DDHD1: variants seen among roughly 807,000 people sequenced by gnomAD.
DDHD1 encodes DDHD domain containing 1, also known as phospholipase DDHD1.
DDHD1 carries 49 observed loss-of-function variants against 96.4 expected under a neutral mutation model. The ratio of observed to expected loss-of-function variants is 0.51; its 90% CI spans 0.40 to 0.64. DDHD1 has a LOEUF of 0.64. Among genes scored for constraint, DDHD1 ranks in the 30% least tolerant of loss-of-function variants. The pLI is 0.00. For synonymous variants in DDHD1, 442 were observed against 446.5 expected (o/e 0.99, Z 0.13); for missense variants, 1,106 against 1,161.2 (o/e 0.95, Z 0.69).
intron 1 of DDHD1, among the ~76,000 whole-genome samples, chr14:53,134,242 G>A (rs773533526): frequency 2.0e-5 from 3 of 151,904 alleles, no homozygotes; most frequent in East Asian, 3.9e-4. Context: ...TAAATACCCT[G>A]CCCTTGTTTA....
intron 6 of DDHD1, 37 bp downstream of exon 6, chr14:53,072,559 TA>T: frequency 7.1e-6 from 9 of 1,273,488 alleles, no homozygotes; most frequent in South Asian, 5.0e-5. Context: ...AAGCTATCAC[TA>T]AAAAATACCC....
At chr14:53,147,784 A>G (rs1041457878) in intron 1 of DDHD1, among the ~76,000 whole-genome samples, 2 of 152,176 alleles carry the variant, frequency 1.3e-5, no homozygotes, top group Non-Finnish European at 2.9e-5. Flanking sequence ...AGTAAAAGAT[A>G]AAAGTCTCCA....
intron 9 of DDHD1, among the ~76,000 whole-genome samples, chr14:53,057,558 G>C (rs1883166410): frequency 6.6e-6 from 1 of 152,076 alleles, no homozygotes. Context: ...CAATATTGTA[G>C]CATACTTTAG....
chr14:53,143,052 C>A (rs1267010633), intron 1 of DDHD1, among the ~76,000 whole-genome samples: 4 of 152,218 alleles, frequency 2.6e-5, no homozygotes, highest in Non-Finnish European at 5.9e-5. Context: ...TTTTTAAGAT[C>A]TTTAAATATT....
At chr14:53,085,432 G>C (rs1885865933) in intron 4 of DDHD1, among the ~76,000 whole-genome samples, 1 of 152,166 alleles carries the variant, frequency 6.6e-6, no homozygotes, top group African/African-American at 2.4e-5. Flanking sequence ...CCAGAGGAAT[G>C]ATCAGACAGC....
rs1305167134 is a variant in DDHD1 at position 53,038,413 on chromosome 14, T to C, written c.*8355A>G. On this transcript the variant is annotated 3_prime_UTR_variant, in exon 13 of 13. Transcript: ENST00000673822. ...AGCAAATCAAGAACCCAATACCATT[T>C]ACAATAGCCATAAAAAAACTGAAAT... The C allele has an allele frequency of 2.0e-5, 3 of 152,100 alleles. No homozygotes were observed. The highest frequency in any genetic ancestry group is 2.0e-4 in the Admixed American group (3 of 15,262). 9.4% of individuals were successfully genotyped at this position (152,100 alleles called of 1,614,324 possible).
At chr14:53,071,360 G>A (rs1041858978) in intron 6 of DDHD1, among the ~76,000 whole-genome samples, 2 of 151,674 alleles carry the variant, frequency 1.3e-5, no homozygotes, top group African/African-American at 4.8e-5. Context: ...TTTTTTCAGA[G>A]GGAAAAAAAA....
intron 4 of DDHD1, among the ~76,000 whole-genome samples, chr14:53,075,745 T>G (rs1269773305): frequency 6.6e-6 from 1 of 152,198 alleles, no homozygotes; most frequent in Non-Finnish European, 1.5e-5. Flanking sequence ...GAAGAGCTAA[T>G]GCAGCTGGTA....
At chr14:53,123,088 G>C (rs2139807215) in intron 1 of DDHD1, among the ~76,000 whole-genome samples, 1 of 150,470 alleles carries the variant, frequency 6.6e-6, no homozygotes, top group African/African-American at 2.4e-5. Flanking sequence ...CATTTGTACA[G>C]AGACACAAAT....
chr14:53,101,845 A>G (rs1887324449), intron 2 of DDHD1, among the ~76,000 whole-genome samples: 1 of 152,048 alleles, frequency 6.6e-6, no homozygotes, highest in African/African-American at 2.4e-5. Context: ...TAAAAACAAG[A>G]TTAGAAACAG....
In DDHD1 at chr14:53,046,783, A is replaced by G; in HGVS notation, c.2688T>C (p.Asn896=). The part of the protein sequence containing the change: ...KHEHDDDAKP[N]LDPI ...TCAAGAGAGTTCAGATTGGATCTAA[A>G]TTGGGTTTTGCATCATCATCGTGCT... Residue 896 remains asparagine (N), a synonymous_variant, in exon 13 of 13, where the codon AAT becomes AAC. Transcript: ENST00000673822. The G allele has an allele frequency of 1.2e-6, 2 of 1,606,476 alleles. No individual in the cohort carries two copies. The highest frequency in any genetic ancestry group is 1.7e-6 in the Non-Finnish European group (2 of 1,176,726).
Position 53,093,416 on chromosome 14 carries a change from G to C in DDHD1, c.1041C>G (p.Asn347Lys), listed in dbSNP as rs1297817080. The C allele has an allele frequency of 6.2e-7, 1 of 1,611,826 alleles. No individual in the cohort carries two copies. The highest frequency in any genetic ancestry group is 1.3e-5 in the African/African-American group (1 of 74,964). ...DAVHSFKLSR[N>K]HVDWHSVDEV... is the part of the protein sequence containing the mutation. ...CATCCACACTGTGCCAGTCCACATG[G>C]TTTCGACTCAACTTGAAACTATGAA... The change falls in exon 3 of 13, where the codon AAC becomes AAG. Residue 347 changes from asparagine (N) to lysine (K), a missense_variant. Asn to Lys is a moderately conservative substitution (Grantham distance 94). This residue lies in a region of DDHD1 where 650 missense variants were observed against 758.8 expected (regional missense o/e 0.86). Transcript: ENST00000673822.
chr14:53,146,599 A>G (rs1891000851), intron 1 of DDHD1, among the ~76,000 whole-genome samples: 1 of 152,128 alleles, frequency 6.6e-6, no homozygotes, highest in Admixed American at 6.5e-5. Context: ...CAATCATATC[A>G]ATTTTGCTAC....
rs1479772129 is a variant in DDHD1, at chr14:53,062,954, T to C, written c.1755A>G (p.Ile585Met). The C allele has an allele frequency of 1.2e-6, 2 of 1,613,958 alleles. No individual in the cohort carries two copies. Among genetic ancestry groups the C allele is most frequent in the African/African-American group, 1.3e-5 (1 of 75,062 alleles). ...TGAGGATATTTTACCGTCGTTTAGT[T>C]ATATAGAGTTCATCAAGAAGATGTC... The part of the protein sequence containing the change: ...EERHLLDELY[I>M]TKRRLKEIEE... The change falls in exon 7 of 13, where the codon ATA becomes ATG. Residue 585 changes from isoleucine to methionine, a missense_variant. Physicochemically the swap from Ile to Met is conservative, Grantham distance 10 (BLOSUM62 1). Transcript: ENST00000673822.
At chr14:53,122,306 T>A (rs985223505) in intron 1 of DDHD1, among the ~76,000 whole-genome samples, 2 of 152,152 alleles carry the variant, frequency 1.3e-5, no homozygotes, top group African/African-American at 4.8e-5. Context: ...ACTACTTTTT[T>A]AGCACCTACT....
chr14:53,104,301 A>G (rs576961203), intron 1 of DDHD1, among the ~76,000 whole-genome samples: 12 of 152,304 alleles, frequency 7.9e-5, no homozygotes, highest in African/African-American at 2.9e-4. Flanking sequence ...TATGGCACAT[A>G]CTTTTACTTA....
chr14:53,060,089 T>C (rs1883422353), intron 8 of DDHD1, among the ~76,000 whole-genome samples: 2 of 152,138 alleles, frequency 1.3e-5, no homozygotes, highest in African/African-American at 2.4e-5. Flanking sequence ...AATTTCTGCA[T>C]CATTCCACAT....
intron 6 of DDHD1, among the ~76,000 whole-genome samples, chr14:53,070,450 C>T (rs1462422086): frequency 6.6e-6 from 1 of 152,166 alleles, no homozygotes; most frequent in African/African-American, 2.4e-5. Context: ...TATTTTGAAT[C>T]CATCTCTTCT....
chr14:53,148,758 TAAC>T lies in DDHD1; in HGVS notation c.838+3500_838+3502del, dbSNP rs199808772. Among the ~76,000 whole-genome samples, 415 of 152,348 alleles carry T rather than the reference TAAC, an allele frequency of 2.7e-3. 1 individual carries two copies. Among genetic ancestry groups the T allele is most frequent in the African/African-American group, 9.5e-3 (397 of 41,574 alleles). ...TCACCTCTGATGAGGTACTGAGTAA[TAAC>T]AAGAAATTGTGGGCACTCAACAACT... is the stretch of plus-strand genomic sequence containing the variant. On this transcript the variant is annotated intron_variant, in intron 1 of 12. Transcript: ENST00000673822.
Sources: allele counts gnomAD v4.1 joint callset (sites outside exome capture counted in the v4.1 genomes callset), GRCh38; gene constraint gnomAD v4.1.1; regional missense constraint gnomAD v4.1.1; transcripts MANE v1.5; gene names NCBI Gene and HGNC (gene_info 2026-07-23, HGNC 2026-07-21).